Variants in CADPS observed in about 807,000 individuals in gnomAD.
CADPS encodes calcium-dependent secretion activator 1.
A neutral mutation model predicts 167.3 loss-of-function variants in CADPS; 57 were observed. The observed-to-expected ratio is 0.34, with a 90% confidence interval of 0.28 to 0.42. CADPS has a LOEUF of 0.42. Among genes scored for constraint, CADPS ranks in the 20% least tolerant of loss-of-function variants. The probability of loss-of-function intolerance (pLI) is 1.00; values close to 1 mark genes in which losing one functional copy is unlikely to be tolerated. For synonymous variants in CADPS, 676 were observed against 635.3 expected, an observed-to-expected ratio of 1.06 and a Z score of -0.96; for missense variants, 1,414 against 1,738.1, an observed-to-expected ratio of 0.81 and a Z score of 3.32.
At chr3:62,590,445 C>G (rs975763358) in intron 7 of CADPS, among the ~76,000 whole-genome samples, 7 of 152,200 alleles carry the variant, frequency 4.6e-5, no homozygotes, top group Admixed American at 1.3e-4. Flanking sequence ...AGTATCGTTT[C>G]TCAAAGAAAA....
At chr3:62,599,621 T>C (rs1426005781) in intron 6 of CADPS, among the ~76,000 whole-genome samples, 2 of 47,694 alleles carry the variant, frequency 4.2e-5, no homozygotes, top group Non-Finnish European at 7.2e-5. Context: ...TTATATATAA[T>C]ATATAATATA....
At chr3:62,856,302 A>G (rs975381649) in intron 1 of CADPS, among the ~76,000 whole-genome samples, 1 of 152,180 alleles carries the variant, frequency 6.6e-6, no homozygotes, top group African/African-American at 2.4e-5. Flanking sequence ...TGTATAGGCC[A>G]TGTATGTTGA....
At chr3:62,676,496 A>G (rs2076354012) in intron 3 of CADPS, among the ~76,000 whole-genome samples, 1 of 152,154 alleles carries the variant, frequency 6.6e-6, no homozygotes, top group Admixed American at 6.6e-5. Context: ...TCAGCTACCT[A>G]TTCATTTTAT....
intron 13 of CADPS, among the ~76,000 whole-genome samples, chr3:62,523,231 C>T (rs2071179187): frequency 6.6e-6 from 1 of 152,068 alleles, no homozygotes; most frequent in Admixed American, 6.6e-5. Flanking sequence ...CCCAGCTGCC[C>T]AACCTTTGAG....
chr3:62,676,811 G>A (rs1408267520), intron 3 of CADPS, among the ~76,000 whole-genome samples: 2 of 152,130 alleles, frequency 1.3e-5, no homozygotes, highest in Admixed American at 1.3e-4. Context: ...GACATGTGCA[G>A]TTGTGTTGGA....
chr3:62,537,818 CTAT>C (rs2074999065), intron 11 of CADPS, among the ~76,000 whole-genome samples: 1 of 151,822 alleles, frequency 6.6e-6, no homozygotes, highest in Non-Finnish European at 1.5e-5. Context: ...ATGATTTCTC[CTAT>C]TATTATTGAT....
At chr3:62,502,255 T>A (rs2065885447) in intron 17 of CADPS, among the ~76,000 whole-genome samples, 1 of 152,212 alleles carries the variant, frequency 6.6e-6, no homozygotes. Context: ...CTTTAGCACT[T>A]CTTCCCTCTC....
intron 13 of CADPS, among the ~76,000 whole-genome samples, chr3:62,529,845 A>G (rs913928566): frequency 6.6e-6 from 1 of 152,228 alleles, no homozygotes; most frequent in Admixed American, 6.5e-5. Flanking sequence ...GTAGCTTGGC[A>G]ATGCCAGGAT....
At chr3:62,471,219 AT>A (rs1459033783) in intron 24 of CADPS, among the ~76,000 whole-genome samples, 1 of 152,178 alleles carries the variant, frequency 6.6e-6, no homozygotes, top group African/African-American at 2.4e-5. Context: ...TTATTCTTCT[AT>A]AAAACCAGAC....
intron 28 of CADPS, among the ~76,000 whole-genome samples, chr3:62,419,424 T>C (rs2149389935): frequency 6.6e-6 from 1 of 152,310 alleles, no homozygotes; most frequent in South Asian, 2.1e-4. Context: ...CAAAGGAACT[T>C]ACTGTTTTGA....
intron 28 of CADPS, among the ~76,000 whole-genome samples, chr3:62,425,293 T>A (rs370458811): frequency 2.0e-5 from 3 of 152,166 alleles, no homozygotes; most frequent in African/African-American, 7.2e-5. Context: ...CATGGTAGTA[T>A]GTTCACCGCC....
chr3:62,563,905 T>C (rs1313141351), intron 9 of CADPS, among the ~76,000 whole-genome samples: 3 of 152,158 alleles, frequency 2.0e-5, no homozygotes, highest in Admixed American at 6.5e-5. Context: ...TATTCCATCA[T>C]ATATATATAA....
intron 1 of CADPS, among the ~76,000 whole-genome samples, chr3:62,791,246 G>A (rs1291709526): frequency 6.6e-6 from 1 of 152,168 alleles, no homozygotes; most frequent in Non-Finnish European, 1.5e-5. Context: ...TATCTGCACT[G>A]TACAATATGG....
intron 3 of CADPS, 78 bp from the exon 4 acceptor site, chr3:62,662,472 C>A: frequency 8.5e-7 from 1 of 1,178,564 alleles, no homozygotes; most frequent in Non-Finnish European, 1.3e-6. Flanking sequence ...CATTTTATAC[C>A]CCCTTGCACT....
chr3:62,613,048 A>G (rs2061714207), intron 6 of CADPS, among the ~76,000 whole-genome samples: 1 of 152,218 alleles, frequency 6.6e-6, no homozygotes, highest in Non-Finnish European at 1.5e-5. Flanking sequence ...AGGCAGGACC[A>G]CATTAGATGG....
chr3:62,818,957 T>G (rs2094759728), intron 1 of CADPS, among the ~76,000 whole-genome samples: 1 of 152,088 alleles, frequency 6.6e-6, no homozygotes, highest in African/African-American at 2.4e-5. Context: ...TTTCCACTTT[T>G]ATGATAATAG....
At chr3:62,484,166 T>G (rs2062455365) in intron 21 of CADPS, among the ~76,000 whole-genome samples, 1 of 152,210 alleles carries the variant, frequency 6.6e-6, no homozygotes, top group Non-Finnish European at 1.5e-5. Flanking sequence ...TTTAATGCTC[T>G]GCTTTCAAAT....
Position 62,601,762 on chromosome 3 carries a change from G to A in CADPS, c.1326-9014C>T, listed in dbSNP as rs1392718782. Among the ~76,000 whole-genome samples, 2 of 152,132 alleles carry A rather than the reference G, an allele frequency of 1.3e-5. No individual in the cohort carries two copies. Among genetic ancestry groups the A allele is most frequent in the Admixed American group, 6.5e-5 (1 of 15,280 alleles). On this transcript the variant is annotated intron_variant, in intron 6 of 29. Coordinates refer to ENST00000383710, the MANE Select transcript of CADPS (RefSeq NM_003716.4). The surrounding 1 kb of genome is among the most constrained non-coding windows in gnomAD (Gnocchi z 4.3). Reference sequence around the variant, plus strand: ...TGAGTAGCAGATGATTCATATTTAGGGGGATGGGGATGACTTTTAAAGTCA... The same window carrying A: ...TGAGTAGCAGATGATTCATATTTAGAGGGATGGGGATGACTTTTAAAGTCA...
rs139024943 is a variant in CADPS at position 62,579,213 on chromosome 3, T to C, written c.1577+5972A>G. ...CTTCAGGTCCTCAGTTAAGGTTGGATCGAAAGCAATAACTGTGGACCGAGC... is the reference window on the plus strand; with the variant it reads ...CTTCAGGTCCTCAGTTAAGGTTGGACCGAAAGCAATAACTGTGGACCGAGC... On this transcript the variant is annotated intron_variant, in intron 8 of 29. Transcript: ENST00000383710. 9.5e-3 allele frequency among the ~76,000 whole-genome samples: 1,443 copies of C among 152,308 alleles called. 19 individuals carry two copies. Among genetic ancestry groups the C allele is most frequent in the African/African-American group, 0.033 (1,383 of 41,560 alleles).
Sources: allele counts gnomAD v4.1 joint callset (sites outside exome capture counted in the v4.1 genomes callset), GRCh38; gene constraint gnomAD v4.1.1; non-coding constraint Gnocchi (gnomAD v3.1); transcripts MANE v1.5; gene names NCBI Gene and HGNC (gene_info 2026-07-23, HGNC 2026-07-21).